TBC1D32: variants seen among roughly 807,000 people sequenced by gnomAD.
TBC1D32 encodes TBC1 domain family member 32.
In TBC1D32, 151 loss-of-function variants were observed where a neutral mutation model predicts 170.3. The ratio of observed to expected loss-of-function variants is 0.89; its 90% CI spans 0.78 to 1.01. TBC1D32 has a LOEUF of 1.01. Ranked by LOEUF, TBC1D32 falls within the 50% of genes least tolerant of loss-of-function variation. TBC1D32 has a pLI of 0.00. For synonymous variants in TBC1D32, 498 were observed against 488.0 expected, an observed-to-expected ratio of 1.02 and a Z score of -0.27; for missense variants, 1,464 against 1,457.1, an observed-to-expected ratio of 1.00 and a Z score of -0.08.
chr6:121,175,430 C>G (rs1050558279), intron 22 of TBC1D32, among the ~76,000 whole-genome samples: 39 of 152,076 alleles, frequency 2.6e-4, no homozygotes, highest in Non-Finnish European at 1.0e-4. Context: ...CTTACAAGTA[C>G]TAGAAATAAT....
chr6:121,125,599 T>G (rs191938354), intron 26 of TBC1D32, among the ~76,000 whole-genome samples: 256 of 152,216 alleles, frequency 1.7e-3, no homozygotes, highest in Non-Finnish European at 3.2e-3. Context: ...CAAGATCTGC[T>G]GTGAGATGGA....
intron 22 of TBC1D32, among the ~76,000 whole-genome samples, chr6:121,194,449 G>T (rs138891827): frequency 6.6e-6 from 1 of 152,334 alleles, no homozygotes; most frequent in African/African-American, 2.4e-5. Context: ...CATAGGTGGT[G>T]ATTCCCACCA....
At chr6:121,149,640 T>C (rs929487510) in intron 24 of TBC1D32, among the ~76,000 whole-genome samples, 13 of 152,210 alleles carry the variant, frequency 8.5e-5, no homozygotes, top group Admixed American at 7.9e-4. Flanking sequence ...ACCAGTACCA[T>C]GCTGTTTCAG....
rs145322187 is a variant in TBC1D32, at chr6:121,286,709, C to T, written c.1373-2799G>A. On this transcript the variant is annotated intron_variant, in intron 12 of 31. Transcript: ENST00000398212. ...CCAAGACACATAATTGTCAGATTCA[C>T]CAAAGTTCAAATGAAGGAAAAAATG... 3.7e-3 allele frequency among the ~76,000 whole-genome samples: 566 copies of T among 152,164 alleles called. 3 individuals are homozygous for T. Among genetic ancestry groups the T allele is most frequent in the South Asian group, 0.027 (132 of 4,816 alleles).
At chr6:121,211,697 T>C (rs553658290) in intron 21 of TBC1D32, among the ~76,000 whole-genome samples, 1 of 152,302 alleles carries the variant, frequency 6.6e-6, no homozygotes, top group East Asian at 1.9e-4. Flanking sequence ...ATACCACATT[T>C]TCTTTATCCA....
intron 9 of TBC1D32, among the ~76,000 whole-genome samples, chr6:121,301,165 T>C (rs1448843560): frequency 6.6e-6 from 1 of 152,136 alleles, no homozygotes; most frequent in Non-Finnish European, 1.5e-5. Flanking sequence ...AGAAATACCA[T>C]TTGACCCAGC....
chr6:121,271,526 G>T (rs1280960805), intron 15 of TBC1D32, among the ~76,000 whole-genome samples: 1 of 152,040 alleles, frequency 6.6e-6, no homozygotes, highest in Non-Finnish European at 1.5e-5. Flanking sequence ...GCTTCAAAGA[G>T]AATAAAATAC....
At chr6:121,123,853 T>G (rs894993302) in intron 26 of TBC1D32, among the ~76,000 whole-genome samples, 7 of 151,906 alleles carry the variant, frequency 4.6e-5, no homozygotes, top group Admixed American at 1.3e-4. Context: ...GTATTTTTTT[T>G]GGGTATCTAT....
At chr6:121,312,491 C>A (rs1346269828) in intron 3 of TBC1D32, among the ~76,000 whole-genome samples, 1 of 152,014 alleles carries the variant, frequency 6.6e-6, no homozygotes, top group African/African-American at 2.4e-5. Context: ...TGGGCTCATG[C>A]AATTAGGGAA....
intron 18 of TBC1D32, 123 bp from the exon 19 acceptor site, chr6:121,241,675 A>G (rs2128362479): frequency 1.2e-6 from 1 of 841,448 alleles, no homozygotes; most frequent in Non-Finnish European, 1.9e-6. Context: ...AATCATACCT[A>G]AGATCTTAAA....
At chr6:121,186,099 A>G (rs926186266) in intron 22 of TBC1D32, among the ~76,000 whole-genome samples, 4 of 152,156 alleles carry the variant, frequency 2.6e-5, no homozygotes, top group Non-Finnish European at 5.9e-5. Context: ...GAGAAAGTTG[A>G]TGGTTTAGAG....
intron 22 of TBC1D32, among the ~76,000 whole-genome samples, chr6:121,179,490 T>C (rs901282649): frequency 2.0e-5 from 3 of 151,770 alleles, no homozygotes; most frequent in Non-Finnish European, 4.4e-5. Flanking sequence ...ATGATAATAA[T>C]AGACGATATA....
chr6:121,296,597 AAATAAAG>A (rs1284195807), intron 10 of TBC1D32, among the ~76,000 whole-genome samples: 1 of 152,092 alleles, frequency 6.6e-6, no homozygotes, highest in Non-Finnish European at 1.5e-5. Context: ...CCTACATTCT[AAATAAAG>A]TATTTTGAGT....
In TBC1D32 at chr6:121,186,095, G is replaced by T. The variant is rs114590173; in HGVS notation, c.2570+18980C>A. ...TAACTTTGTGAAGCGTAGCGAGAAA[G>T]TTGATGGTTTAGAGATCTTATTCCA... On this transcript the variant is annotated intron_variant, in intron 22 of 31. Transcript: ENST00000398212. 1.5e-3 allele frequency among the ~76,000 whole-genome samples: 232 copies of T among 152,250 alleles called. 1 individual carries two copies. Among genetic ancestry groups the T allele is most frequent in the African/African-American group, 5.4e-3 (225 of 41,568 alleles).
At chr6:121,229,262 T>C (rs913456504) in intron 20 of TBC1D32, among the ~76,000 whole-genome samples, 2 of 152,156 alleles carry the variant, frequency 1.3e-5, no homozygotes, top group Non-Finnish European at 2.9e-5. Context: ...TTCTCAGGTG[T>C]ACATATCTAG....
chr6:121,331,387 T>C (rs976710353), intron 1 of TBC1D32, among the ~76,000 whole-genome samples: 24 of 151,978 alleles, frequency 1.6e-4, no homozygotes, highest in African/African-American at 3.9e-4. Flanking sequence ...TTTTTTTTTT[T>C]TTTTGTATTT....
intron 9 of TBC1D32, 54 bp from the exon 10 acceptor site, chr6:121,299,559 A>G: frequency 2.1e-6 from 3 of 1,435,520 alleles, no homozygotes; most frequent in Non-Finnish European, 1.9e-6. Flanking sequence ...CTCAAAATCT[A>G]TTTTTCCTGC....
At chr6:121,083,396 G>T (rs1288549852) in intron 31 of TBC1D32, among the ~76,000 whole-genome samples, 2 of 151,824 alleles carry the variant, frequency 1.3e-5, no homozygotes, top group African/African-American at 4.8e-5. Context: ...CTAATCAACT[G>T]GTATGTTTTT....
chr6:121,091,712 G>T (rs929990867), intron 30 of TBC1D32, among the ~76,000 whole-genome samples: 8 of 152,176 alleles, frequency 5.3e-5, no homozygotes, highest in African/African-American at 1.9e-4. Context: ...ATAAATACTG[G>T]AAACATTTTG....
Sources: gnomAD v4.1 joint callset for allele counts (sites outside exome capture counted in the v4.1 genomes callset) on GRCh38, gnomAD v4.1.1 for gene constraint, MANE v1.5 for transcripts, NCBI Gene and HGNC (gene_info 2026-07-23, HGNC 2026-07-21) for gene names.